Variants in PUF60 observed in about 807,000 individuals in gnomAD.
PUF60 encodes the protein poly(U) binding splicing factor 60.
Under a neutral mutation model 61.8 loss-of-function variants are expected in PUF60, and 10 were observed. That is an observed-to-expected ratio of 0.16 (90% confidence interval 0.10 to 0.27). The LOEUF is 0.27. PUF60 is among the 10% of genes least tolerant of loss of function. The probability of loss-of-function intolerance (pLI) is 1.00; values close to 1 mark genes in which losing one functional copy is unlikely to be tolerated. For synonymous variants in PUF60, 353 were observed against 300.9 expected (o/e 1.17, Z -1.79); for missense variants, 371 against 754.0 (o/e 0.49, Z 5.95).
chr8:143,820,809 G>A, intron 4 of PUF60, 93 bp from the exon 5 acceptor site: 1 of 1,260,286 alleles, frequency 7.9e-7, no homozygotes, highest in Non-Finnish European at 1.2e-6. Flanking sequence ...AAGGCCCGGA[G>A]TCCCCGCCCT....
At chr8:143,820,397 C>T (rs905909395) in intron 5 of PUF60, 17 of 545,766 alleles carry the variant, frequency 3.1e-5, no homozygotes, top group African/African-American at 7.8e-5. Context: ...GTGCTGGCAG[C>T]TACCCGCCCT....
At chr8:143,819,720 C>G (rs777876286) in intron 5 of PUF60, among the ~76,000 whole-genome samples, 2 of 152,084 alleles carry the variant, frequency 1.3e-5, no homozygotes, top group African/African-American at 2.4e-5. Context: ...CAAGACCCCC[C>G]CAAAGGTGGA....
chr8:143,824,152 G>C (rs1261085531), intron 2 of PUF60, among the ~76,000 whole-genome samples, 161 bp downstream of exon 2: 3 of 152,250 alleles, frequency 2.0e-5, no homozygotes, highest in Non-Finnish European at 4.4e-5. Flanking sequence ...GAGGGCCGTG[G>C]TCCTGCGGGC....
chr8:143,819,669 A>T (rs1268686551), intron 5 of PUF60, among the ~76,000 whole-genome samples: 1 of 152,052 alleles, frequency 6.6e-6, no homozygotes, highest in East Asian at 1.9e-4. Flanking sequence ...TGTTCTCCTC[A>T]CACTGGGCCC....
chr8:143,816,879 T>G, intron 11 of PUF60, 31 bp downstream of exon 11: 5 of 900,474 alleles, frequency 5.6e-6, no homozygotes, highest in Non-Finnish European at 6.3e-6. Context: ...CCCTACCCTC[T>G]CCCCCGCCAC....
Position 143,817,491 on chromosome 8 carries a change from T to C in PUF60, c.1009-25A>G, listed in dbSNP as rs1269452232. 3 of 1,610,010 alleles carry C rather than the reference T, an allele frequency of 1.9e-6. No individual in the cohort carries two copies. The highest frequency in any genetic ancestry group is 8.5e-7 in the Non-Finnish European group (1 of 1,179,112). The stretch of plus-strand genomic sequence containing the variant: ...CCTGCAACCCAAAAGGTCACCGTGC[T>C]CAGTCCCTGGTCTGGCTACTCAAGA... On this transcript the variant is annotated intron_variant, in intron 9 of 11. Transcript: ENST00000526683. This position sits in a 1 kb window ranked among gnomAD's most constrained non-coding sequence, Gnocchi z 7.4.
At chr8:143,824,203 T>C (rs934063570) in intron 2 of PUF60, 110 bp downstream of exon 2, 1 of 1,167,138 alleles carries the variant, frequency 8.6e-7, no homozygotes, top group Non-Finnish European at 1.2e-6. Flanking sequence ...CCGAGGTTCC[T>C]CCCGCCCCGC....
chr8:143,820,922 G>A (rs959772308), intron 4 of PUF60, among the ~76,000 whole-genome samples: 28 of 152,154 alleles, frequency 1.8e-4, no homozygotes, highest in Non-Finnish European at 1.3e-4. Context: ...CAGCTGGGCC[G>A]GCTGGGGCAG....
intron 5 of PUF60, among the ~76,000 whole-genome samples, chr8:143,819,336 C>T (rs764408976): frequency 1.6e-4 from 25 of 152,152 alleles, no homozygotes; most frequent in Non-Finnish European, 7.4e-5. Flanking sequence ...AGGGACCTCC[C>T]CACACCCTCA....
intron 1 of PUF60, 155 bp downstream of exon 1, chr8:143,829,125 C>T: frequency 1.7e-6 from 2 of 1,180,756 alleles, no homozygotes; most frequent in South Asian, 4.2e-5. Flanking sequence ...CGCGCCCGCC[C>T]CGCCCCCGCC....
At position 143,816,439 on chromosome 8, in the gene PUF60, T is replaced by G; in HGVS notation, c.*81A>C. On this transcript the variant is annotated 3_prime_UTR_variant, in exon 12 of 12. Coordinates refer to ENST00000526683, the MANE Select transcript of PUF60 (RefSeq NM_078480.3). ...TAGGCTGGGCTGGGCAGAGCGCGCC[T>G]GGCCCCGGGGACACCACTGTATCAC... 1.4e-6 allele frequency: 2 copies of G among 1,480,100 alleles called. No homozygotes were observed. Among genetic ancestry groups the G allele is most frequent in the East Asian group, 2.3e-5 (1 of 43,476 alleles). 91.7% of individuals were successfully genotyped at this position (1,480,100 alleles called of 1,614,324 possible).
At chr8:143,827,501 C>A (rs893360990) in intron 1 of PUF60, 3 of 455,062 alleles carry the variant, frequency 6.6e-6, no homozygotes, top group Non-Finnish European at 1.3e-5. Context: ...CCACTGTCAG[C>A]CAAGTTCAGC....
intron 1 of PUF60, 83 bp from the exon 2 acceptor site, chr8:143,824,482 G>C: frequency 1.4e-6 from 2 of 1,433,246 alleles, no homozygotes; most frequent in Non-Finnish European, 1.9e-6. Flanking sequence ...TAAGGGCTGA[G>C]CTCCTCACGG....
At chr8:143,821,354 TGCAGCCAA>T in intron 4 of PUF60, 1 of 596,962 alleles carries the variant, frequency 1.7e-6, no homozygotes, top group Non-Finnish European at 3.0e-6. Flanking sequence ...AGGGTAGAGC[TGCAGCCAA>T]GCAGCCAAGA....
chr8:143,821,278 T>C, intron 4 of PUF60: 1 of 529,586 alleles, frequency 1.9e-6, no homozygotes, highest in Non-Finnish European at 3.4e-6. Flanking sequence ...CCATCGGCTG[T>C]GCACAGCTGG....
chr8:143,826,869 A>C (rs1438211460), intron 1 of PUF60, among the ~76,000 whole-genome samples: 1 of 152,258 alleles, frequency 6.6e-6, no homozygotes, highest in African/African-American at 2.4e-5. Flanking sequence ...CCCCAACCCC[A>C]CAACCTGCAG....
At chr8:143,820,346 A>C in intron 5 of PUF60, 2 of 419,550 alleles carry the variant, frequency 4.8e-6, no homozygotes, top group Non-Finnish European at 4.3e-6. Flanking sequence ...GGCCGTGGGC[A>C]CACCCCGTGC....
At chr8:143,824,467 C>A in intron 1 of PUF60, 68 bp from the exon 2 acceptor site, 1 of 1,519,656 alleles carries the variant, frequency 6.6e-7, no homozygotes, top group South Asian at 1.2e-5. Context: ...GCTCTCCTCC[C>A]GAGCTAAGGG....
In PUF60 at chr8:143,816,617, G is replaced by A; in HGVS notation, c.1583C>T (p.Ala528Val). The change falls in exon 12 of 12, where the codon GCC becomes GTC. Residue 528 changes from alanine (A) to valine (V), a missense_variant. By Grantham distance (64) the Ala-to-Val change is moderately conservative. This residue lies in a region of PUF60 where 19 missense variants were observed against 16.9 expected (regional missense o/e 1.12). Transcript: ENST00000526683. ...EFSIASETHKAIQALNGRWFA... is the reference protein window; with the variant it reads ...EFSIASETHKVIQALNGRWFA... ...CCAGCGGCCATTGAGGGCCTGGATG[G>A]CCTTATGAGTCTCAGAGGCTATGGA... 6.2e-7 allele frequency: 1 copy of A among 1,613,796 alleles called. No individual in the cohort carries two copies. The highest frequency in any genetic ancestry group is 8.5e-7 in the Non-Finnish European group (1 of 1,179,882).
Sources: allele counts gnomAD v4.1 joint callset (sites outside exome capture counted in the v4.1 genomes callset), GRCh38; gene constraint gnomAD v4.1.1; regional missense constraint gnomAD v4.1.1; non-coding constraint Gnocchi (gnomAD v3.1); transcripts MANE v1.5; gene names NCBI Gene and HGNC (gene_info 2026-07-23, HGNC 2026-07-21).